CACNA2D1: variants seen among roughly 807,000 people sequenced by gnomAD.
CACNA2D1 encodes the protein voltage-dependent calcium channel subunit alpha-2/delta-1.
In CACNA2D1, 53 loss-of-function variants were observed where a neutral mutation model predicts 171.5. That is an observed-to-expected ratio of 0.31 (90% confidence interval 0.25 to 0.39). The LOEUF is 0.39. Among genes scored for constraint, CACNA2D1 ranks in the 10% least tolerant of loss-of-function variants. CACNA2D1 has a pLI of 1.00. For missense variants in CACNA2D1, 903 were observed against 1,299.8 expected (o/e 0.69, Z 4.69); for synonymous variants, 442 against 443.1 (o/e 1.00, Z 0.03).
chr7:82,106,784 T>A (rs1164784338), intron 6 of CACNA2D1, among the ~76,000 whole-genome samples: 1 of 152,158 alleles, frequency 6.6e-6, no homozygotes, highest in Non-Finnish European at 1.5e-5. Context: ...GAAGTACTTG[T>A]GGAAAAATAT....
intron 10 of CACNA2D1, among the ~76,000 whole-genome samples, chr7:82,059,028 G>C (rs1331611083): frequency 2.6e-5 from 4 of 152,100 alleles, no homozygotes; most frequent in Admixed American, 2.6e-4. Flanking sequence ...CTTCAGGTGA[G>C]AAGGGACTAA....
Position 82,179,587 on chromosome 7 carries a change from GTTGTT to G in CACNA2D1, c.295-8983_295-8979del, listed in dbSNP as rs143495097. On this transcript the variant is annotated intron_variant, in intron 3 of 38. Transcript: ENST00000356860. Reference sequence around the variant, plus strand: ...CACCAACCTAAGTTGCCCTAAAATGGTTGTTTTATGTCCCATGTGACCGCTCCTTT... The same window carrying G: ...CACCAACCTAAGTTGCCCTAAAATGGTTATGTCCCATGTGACCGCTCCTTT... Among the ~76,000 whole-genome samples, 497 of 152,070 alleles carry G rather than the reference GTTGTT, an allele frequency of 3.3e-3. 4 individuals are homozygous for G. Among genetic ancestry groups the G allele is most frequent in the Middle Eastern group, 6.8e-3 (2 of 294 alleles).
At chr7:82,057,532 A>G (rs1806073250) in intron 10 of CACNA2D1, among the ~76,000 whole-genome samples, 1 of 149,998 alleles carries the variant, frequency 6.7e-6, no homozygotes, top group Non-Finnish European at 1.5e-5. Context: ...TACTATCTGA[A>G]TATGCTTCAA....
intron 5 of CACNA2D1, among the ~76,000 whole-genome samples, chr7:82,135,254 T>C (rs1791469143): frequency 6.6e-6 from 1 of 152,084 alleles, no homozygotes; most frequent in Admixed American, 6.6e-5. Context: ...GATGAAGATT[T>C]TGTATATATT....
chr7:82,039,482 T>C (rs1364255743), intron 10 of CACNA2D1, among the ~76,000 whole-genome samples: 1 of 152,176 alleles, frequency 6.6e-6, no homozygotes, highest in African/African-American at 2.4e-5. Context: ...ATTCTACAAA[T>C]GTAAATCATT....
At chr7:82,101,818 C>T (rs1319794024) in intron 6 of CACNA2D1, among the ~76,000 whole-genome samples, 2 of 152,162 alleles carry the variant, frequency 1.3e-5, no homozygotes, top group East Asian at 3.9e-4. Flanking sequence ...TGGCCTCTAA[C>T]CTATGATTAT....
chr7:81,976,501 T>C (rs975266226), intron 24 of CACNA2D1, among the ~76,000 whole-genome samples: 3 of 152,188 alleles, frequency 2.0e-5, no homozygotes, highest in African/African-American at 7.2e-5. Context: ...TTATTCTGTT[T>C]GTAGCAATTG....
intron 3 of CACNA2D1, among the ~76,000 whole-genome samples, chr7:82,175,939 A>G (rs1374079657): frequency 6.6e-6 from 1 of 152,010 alleles, no homozygotes; most frequent in Non-Finnish European, 1.5e-5. Flanking sequence ...ATAAATGAAA[A>G]AAAATCTTAG....
intron 2 of CACNA2D1, among the ~76,000 whole-genome samples, chr7:82,340,472 AT>A (rs112753388): frequency 0.092 from 13,299 of 145,052 alleles, 650 homozygotes; most frequent in Middle Eastern, 0.19. Flanking sequence ...CACCCAGTCT[AT>A]TTTTTTTTTT....
intron 3 of CACNA2D1, among the ~76,000 whole-genome samples, chr7:82,216,804 T>A (rs1801143503): frequency 6.6e-6 from 1 of 150,480 alleles, no homozygotes; most frequent in Admixed American, 6.6e-5. Context: ...CATCCATAAA[T>A]TTTTTTTTAA....
At chr7:82,015,062 A>G (rs1042982713) in intron 12 of CACNA2D1, among the ~76,000 whole-genome samples, 3 of 152,156 alleles carry the variant, frequency 2.0e-5, no homozygotes, top group African/African-American at 7.2e-5. Flanking sequence ...CAAAAAAAGA[A>G]AAAAGAAAGA....
chr7:82,238,584 G>A (rs991415316), intron 3 of CACNA2D1, among the ~76,000 whole-genome samples: 9 of 151,950 alleles, frequency 5.9e-5, no homozygotes, highest in South Asian at 2.1e-4. Context: ...TGCTGGCAAC[G>A]TTGCAGAAAA....
chr7:82,230,800 T>A lies in CACNA2D1; in HGVS notation c.295-60191A>T, dbSNP rs1329445977. Among the ~76,000 whole-genome samples the A allele has an allele frequency of 3.3e-5, 5 of 152,212 alleles. No homozygotes were observed. In the East Asian group the frequency reaches 5.8e-4, roughly 18 times the overall value. On this transcript the variant is annotated intron_variant, in intron 3 of 38. Coordinates refer to ENST00000356860, the MANE Select transcript of CACNA2D1 (RefSeq NM_000722.4). Reference sequence around the variant, plus strand: ...CTGGAAATATACATATCTCTGAGAATACCAGTATAAGAAAAGCATCCTTGG... The same window carrying A: ...CTGGAAATATACATATCTCTGAGAAAACCAGTATAAGAAAAGCATCCTTGG...
intron 1 of CACNA2D1, among the ~76,000 whole-genome samples, chr7:82,359,774 T>C (rs1820876673): frequency 6.6e-6 from 1 of 152,188 alleles, no homozygotes. Context: ...AATATTTAAT[T>C]TCCTTGAATG....
intron 38 of CACNA2D1, 96 bp downstream of exon 38, chr7:81,959,179 T>TTTAACCAAATTTTA: frequency 1.2e-6 from 1 of 845,068 alleles, no homozygotes; most frequent in Non-Finnish European, 2.1e-6. Flanking sequence ...GTTAAGACAT[T>TTTAACCAAATTTTA]ACGTTTGAGT....
intron 3 of CACNA2D1, among the ~76,000 whole-genome samples, chr7:82,172,950 G>C (rs937069840): frequency 1.3e-5 from 2 of 151,990 alleles, no homozygotes; most frequent in African/African-American, 4.8e-5. Context: ...AGAATATTAA[G>C]TTTTTTCTTC....
intron 7 of CACNA2D1, among the ~76,000 whole-genome samples, chr7:82,079,102 C>T (rs1395729589): frequency 6.6e-6 from 1 of 152,172 alleles, no homozygotes; most frequent in African/African-American, 2.4e-5. Context: ...TTATATTACG[C>T]TAGCTCTAGA....
At chr7:82,338,458 T>C (rs1818253203) in intron 2 of CACNA2D1, among the ~76,000 whole-genome samples, 1 of 152,174 alleles carries the variant, frequency 6.6e-6, no homozygotes, top group Non-Finnish European at 1.5e-5. Flanking sequence ...ACCTTCCAAG[T>C]AGTTGGAACT....
At chr7:82,414,917 CATATTATCTTAACTTAAA>C (rs1828015004) in intron 1 of CACNA2D1, among the ~76,000 whole-genome samples, 1 of 152,114 alleles carries the variant, frequency 6.6e-6, no homozygotes, top group African/African-American at 2.4e-5. Context: ...TTAACAAATT[CATATTATCTTAACTTAAA>C]ATGTCCCAAA....
Sources: allele counts gnomAD v4.1 joint callset (sites outside exome capture counted in the v4.1 genomes callset), GRCh38; gene constraint gnomAD v4.1.1; transcripts MANE v1.5; gene names NCBI Gene and HGNC (gene_info 2026-07-23, HGNC 2026-07-21).